TENM3: variants seen among roughly 807,000 people sequenced by gnomAD.
TENM3 encodes the protein teneurin-3.
A neutral mutation model predicts 255.1 loss-of-function variants in TENM3; 63 were observed. The observed-to-expected ratio is 0.25, with a 90% confidence interval of 0.20 to 0.30. The LOEUF (loss-of-function observed/expected upper bound fraction) is 0.30. Ranked by LOEUF, TENM3 falls within the 10% of genes least tolerant of loss-of-function variation. The pLI, the probability that TENM3 is intolerant of heterozygous loss-of-function variation, is 1.00. For synonymous variants in TENM3, 1,306 were observed against 1,322.3 expected, an observed-to-expected ratio of 0.99 and a Z score of 0.27; for missense variants, 2,929 against 3,461.1, an observed-to-expected ratio of 0.85 and a Z score of 3.86.
the TENM3 span, among the ~76,000 whole-genome samples, chr4:181,528,066 T>A: frequency 2.0e-5 from 3 of 152,080 alleles, no homozygotes; most frequent in Non-Finnish European, 4.4e-5. Context: ...AATCCTTACA[T>A]ACATCTCTGA....
chr4:182,325,458 T>A (rs912269966), intron 2 of TENM3, among the ~76,000 whole-genome samples: 1 of 152,214 alleles, frequency 6.6e-6, no homozygotes, highest in African/African-American at 2.4e-5. Flanking sequence ...ATTACTGGTA[T>A]CAAATTTTAT....
intron 3 of TENM3, among the ~76,000 whole-genome samples, chr4:182,539,917 G>A (rs1352317108): frequency 2.0e-5 from 3 of 152,230 alleles, no homozygotes; most frequent in African/African-American, 4.8e-5. Context: ...GAAGCTGACT[G>A]TAGAGTGTGG....
the TENM3 span, among the ~76,000 whole-genome samples, chr4:181,770,102 TG>T: frequency 1.3e-5 from 2 of 152,086 alleles, no homozygotes; most frequent in African/African-American, 2.4e-5. Flanking sequence ...AGTTTGGGGC[TG>T]GGGGGTTAGT....
At chr4:182,289,313 T>A (rs1760956198) in intron 1 of TENM3, among the ~76,000 whole-genome samples, 1 of 152,336 alleles carries the variant, frequency 6.6e-6, no homozygotes, top group East Asian at 1.9e-4. Flanking sequence ...CCAGTTTAGA[T>A]AAAGGACTTA....
the TENM3 span, among the ~76,000 whole-genome samples, chr4:182,075,421 A>G: frequency 6.6e-6 from 1 of 151,904 alleles, no homozygotes; most frequent in Non-Finnish European, 1.5e-5. Context: ...GATGGTCTCG[A>G]TCTCCTGACC....
chr4:182,719,283 A>G (rs1239597854), intron 13 of TENM3, among the ~76,000 whole-genome samples: 2 of 76,286 alleles, frequency 2.6e-5, no homozygotes, highest in African/African-American at 5.6e-5. Flanking sequence ...TTTTTTTGAG[A>G]CGGAGTCTCG....
At chr4:182,117,930 C>A in the TENM3 span, among the ~76,000 whole-genome samples, 337 of 152,238 alleles carry the variant, frequency 2.2e-3, 1 homozygote, top group African/African-American at 7.7e-3. Flanking sequence ...AGTAATCTCT[C>A]CATTTACATA....
intron 2 of TENM3, among the ~76,000 whole-genome samples, chr4:182,346,266 A>C (rs1188394858): frequency 6.6e-6 from 1 of 152,056 alleles, no homozygotes; most frequent in African/African-American, 2.4e-5. Context: ...ATTGTTGGGG[A>C]CTCGAGCCAG....
chr4:182,102,587 A>G, the TENM3 span, among the ~76,000 whole-genome samples: 1 of 152,208 alleles, frequency 6.6e-6, no homozygotes, highest in South Asian at 2.1e-4. Context: ...GAATTGTGCT[A>G]AAATTGTTTC....
the TENM3 span, among the ~76,000 whole-genome samples, chr4:181,784,564 A>G: frequency 1.3e-5 from 2 of 152,024 alleles, no homozygotes. Flanking sequence ...AGCCTTTCCA[A>G]CTGTGTTTTG....
At chr4:182,419,183 T>C (rs1770609854) in intron 3 of TENM3, among the ~76,000 whole-genome samples, 1 of 152,158 alleles carries the variant, frequency 6.6e-6, no homozygotes, top group Admixed American at 6.5e-5. Context: ...TTATTGAACT[T>C]TTATATAAAC....
At chr4:182,015,555 T>TTTA in the TENM3 span, among the ~76,000 whole-genome samples, 1 of 151,040 alleles carries the variant, frequency 6.6e-6, no homozygotes, top group East Asian at 1.9e-4. Context: ...TTAATTTTTA[T>TTTA]TTATTTATTT....
At chr4:182,024,745 A>G in the TENM3 span, among the ~76,000 whole-genome samples, 13 of 152,010 alleles carry the variant, frequency 8.6e-5, no homozygotes, top group Admixed American at 2.6e-4. Context: ...TGTTACAGTC[A>G]CCCTGTTGTG....
chr4:181,900,221 T>C, the TENM3 span, among the ~76,000 whole-genome samples: 812 of 152,258 alleles, frequency 5.3e-3, 18 homozygotes, highest in East Asian at 0.048. Context: ...TCTTGATTAA[T>C]TTAGATTCAA....
the TENM3 span, among the ~76,000 whole-genome samples, chr4:181,597,908 A>G: frequency 6.6e-6 from 1 of 152,168 alleles, no homozygotes; most frequent in African/African-American, 2.4e-5. Flanking sequence ...TTTCTAATGC[A>G]TTTCGCCTTA....
chr4:182,278,086 G>T (rs2150252673), intron 1 of TENM3, among the ~76,000 whole-genome samples: 1 of 152,308 alleles, frequency 6.6e-6, no homozygotes, highest in South Asian at 2.1e-4. Context: ...CGTACTAGCA[G>T]CCAGGCACGG....
At chr4:181,590,796 G>C in the TENM3 span, among the ~76,000 whole-genome samples, 1 of 152,160 alleles carries the variant, frequency 6.6e-6, no homozygotes, top group Non-Finnish European at 1.5e-5. Context: ...ATATGTTAAA[G>C]ATTATTTATG....
At chr4:182,535,543 T>G (rs891840931) in intron 3 of TENM3, among the ~76,000 whole-genome samples, 1 of 152,050 alleles carries the variant, frequency 6.6e-6, no homozygotes, top group Non-Finnish European at 1.5e-5. Context: ...AAGACCATCC[T>G]GGGCAACATA....
the TENM3 span, among the ~76,000 whole-genome samples, chr4:181,568,929 G>A: frequency 1.3e-5 from 2 of 152,190 alleles, no homozygotes; most frequent in East Asian, 3.9e-4. Context: ...AGGGATTATT[G>A]TCTGTTCTGT....
Sources: allele counts gnomAD v4.1 joint callset (sites outside exome capture counted in the v4.1 genomes callset), GRCh38; gene constraint gnomAD v4.1.1; transcripts MANE v1.5; gene names NCBI Gene and HGNC (gene_info 2026-07-23, HGNC 2026-07-21).